PPARGC1A: variants seen among roughly 807,000 people sequenced by gnomAD.
PPARGC1A encodes the protein peroxisome proliferator-activated receptor gamma coactivator 1-alpha.
PPARGC1A carries 25 observed loss-of-function variants against 88.7 expected under a neutral mutation model. That is an observed-to-expected ratio of 0.28 (90% confidence interval 0.21 to 0.39). The LOEUF (loss-of-function observed/expected upper bound fraction) is 0.39. PPARGC1A is among the 10% of genes least tolerant of loss of function. The probability of loss-of-function intolerance (pLI) is 1.00; values close to 1 mark genes in which losing one functional copy is unlikely to be tolerated. For missense variants in PPARGC1A, 880 were observed against 968.7 expected (o/e 0.91, Z 1.22); for synonymous variants, 363 against 355.6 (o/e 1.02, Z -0.24).
the PPARGC1A span, among the ~76,000 whole-genome samples, chr4:24,170,873 T>C: frequency 6.6e-6 from 1 of 152,190 alleles, no homozygotes; most frequent in Admixed American, 6.5e-5. Flanking sequence ...AAAGGCGTCA[T>C]TGCCTCTGCT....
At chr4:24,287,621 C>T in the PPARGC1A span, among the ~76,000 whole-genome samples, 2 of 137,396 alleles carry the variant, frequency 1.5e-5, no homozygotes, top group East Asian at 2.2e-4. Flanking sequence ...CAATAAAATG[C>T]TCAACACCAC....
the PPARGC1A span, among the ~76,000 whole-genome samples, chr4:24,010,865 G>A: frequency 2.6e-5 from 4 of 152,060 alleles, no homozygotes; most frequent in Non-Finnish European, 5.9e-5. Context: ...GTTGGGGAAG[G>A]GTCTCCAAAA....
At chr4:23,951,300 G>C in the PPARGC1A span, among the ~76,000 whole-genome samples, 1 of 152,082 alleles carries the variant, frequency 6.6e-6, no homozygotes, top group Non-Finnish European at 1.5e-5. Context: ...GCCAGGCAGA[G>C]GGAACAGCAC....
chr4:23,823,528 G>C (rs183038450), intron 7 of PPARGC1A, among the ~76,000 whole-genome samples: 1 of 151,998 alleles, frequency 6.6e-6, no homozygotes, highest in Non-Finnish European at 1.5e-5. Context: ...GGTCAGATAA[G>C]AAGGCCTCTA....
chr4:23,959,846 A>G, the PPARGC1A span, among the ~76,000 whole-genome samples: 1 of 152,126 alleles, frequency 6.6e-6, no homozygotes, highest in Non-Finnish European at 1.5e-5. Context: ...TGCACAAGTC[A>G]AGGCTGCTTA....
chr4:24,458,647 CAGT>C, the PPARGC1A span, among the ~76,000 whole-genome samples: 1 of 152,108 alleles, frequency 6.6e-6, no homozygotes, highest in Non-Finnish European at 1.5e-5. Context: ...GCCTTTAACC[CAGT>C]AGCTCTACTA....
At chr4:24,130,756 A>C in the PPARGC1A span, among the ~76,000 whole-genome samples, 138 of 152,206 alleles carry the variant, frequency 9.1e-4, no homozygotes, top group African/African-American at 2.9e-3. Context: ...GCTTCTATAA[A>C]AAGAAATTAA....
intron 2 of PPARGC1A, among the ~76,000 whole-genome samples, chr4:23,832,612 C>CTTTTTT (rs570752359): frequency 1.8e-4 from 24 of 131,792 alleles, no homozygotes; most frequent in Non-Finnish European, 2.4e-4. Context: ...TTTTCTTTTT[C>CTTTTTT]TTTTTTTTTT....
intron 2 of PPARGC1A, among the ~76,000 whole-genome samples, chr4:23,864,191 GAC>G (rs1731738854): frequency 6.6e-6 from 1 of 152,170 alleles, no homozygotes; most frequent in Admixed American, 6.5e-5. Context: ...AGTTTTTAAG[GAC>G]ACTGAAGGCA....
chr4:24,130,148 T>TA, the PPARGC1A span, among the ~76,000 whole-genome samples: 50 of 151,912 alleles, frequency 3.3e-4, no homozygotes, highest in Middle Eastern at 3.4e-3. Flanking sequence ...TAAAGTATAA[T>TA]AAAAAAAATA....
chr4:24,166,630 A>T, the PPARGC1A span, among the ~76,000 whole-genome samples: 65 of 152,336 alleles, frequency 4.3e-4, no homozygotes, highest in African/African-American at 1.4e-3. Context: ...ATAAGGGAGT[A>T]AGCAATAATG....
chr4:24,028,878 G>A, the PPARGC1A span, among the ~76,000 whole-genome samples: 1 of 151,964 alleles, frequency 6.6e-6, no homozygotes, highest in Admixed American at 6.6e-5. Flanking sequence ...AAAACAATAA[G>A]ACTTGGATTT....
At chr4:24,238,699 T>C in the PPARGC1A span, among the ~76,000 whole-genome samples, 1 of 151,838 alleles carries the variant, frequency 6.6e-6, no homozygotes, top group African/African-American at 2.4e-5. Flanking sequence ...GCATTTTACC[T>C]CTCCAGAAGA....
intron 2 of PPARGC1A, among the ~76,000 whole-genome samples, chr4:23,853,692 GA>G (rs1729706885): frequency 6.6e-6 from 1 of 152,064 alleles, no homozygotes; most frequent in African/African-American, 2.4e-5. Context: ...CTCCTACCCA[GA>G]AGGATAGACA....
At chr4:24,037,950 G>T in the PPARGC1A span, among the ~76,000 whole-genome samples, 1 of 152,136 alleles carries the variant, frequency 6.6e-6, no homozygotes, top group Non-Finnish European at 1.5e-5. Context: ...TGACCTAAAT[G>T]TCTAGAATAA....
At chr4:24,166,452 G>C in the PPARGC1A span, among the ~76,000 whole-genome samples, 1 of 152,212 alleles carries the variant, frequency 6.6e-6, no homozygotes, top group Non-Finnish European at 1.5e-5. Flanking sequence ...ACTGGAAGAA[G>C]ATGCCATCTA....
the PPARGC1A span, among the ~76,000 whole-genome samples, chr4:23,992,680 T>A: frequency 1.2e-5 from 1 of 82,104 alleles, no homozygotes; most frequent in Non-Finnish European, 2.7e-5. Flanking sequence ...AAAAGACTGA[T>A]TGAAAGGCTC....
the PPARGC1A span, among the ~76,000 whole-genome samples, chr4:24,064,581 C>T: frequency 6.6e-6 from 1 of 152,076 alleles, no homozygotes; most frequent in East Asian, 1.9e-4. Flanking sequence ...CCTCCCCAAG[C>T]TGCTCATATA....
At chr4:24,169,561 T>C in the PPARGC1A span, among the ~76,000 whole-genome samples, 1 of 151,446 alleles carries the variant, frequency 6.6e-6, no homozygotes. Flanking sequence ...AATTAAAAGT[T>C]TATTTAAAAA....
Sources: gnomAD v4.1 joint callset for allele counts (sites outside exome capture counted in the v4.1 genomes callset) on GRCh38, gnomAD v4.1.1 for gene constraint, MANE v1.5 for transcripts, NCBI Gene and HGNC (gene_info 2026-07-23, HGNC 2026-07-21) for gene names.